Variants in TNPO1 observed in about 807,000 individuals in gnomAD.
The protein encoded by TNPO1 is transportin 1.
Under a neutral mutation model 119.5 loss-of-function variants are expected in TNPO1, and 8 were observed. The ratio of observed to expected loss-of-function variants is 0.07; its 90% confidence interval spans 0.04 to 0.12. The LOEUF (loss-of-function observed/expected upper bound fraction) is 0.12, where lower values mean the gene tolerates loss of function less well. Among genes scored for constraint, TNPO1 ranks in the 10% least tolerant of loss-of-function variants. TNPO1 has a pLI of 1.00. For synonymous variants in TNPO1, 362 were observed against 363.0 expected (o/e 1.00, Z 0.03); for missense variants, 576 against 1,089.8 (o/e 0.53, Z 6.64).
Position 72,884,305 on chromosome 5 carries a change from T to C in TNPO1, c.1150+1073T>C, listed in dbSNP as rs1748463512. Among the ~76,000 whole-genome samples the C allele has an allele frequency of 2.0e-5, 3 of 152,194 alleles. 1 individual carries two copies. Among genetic ancestry groups the C allele is most frequent in the African/African-American group, 4.8e-5 (2 of 41,452 alleles). ...GTGGTTTTGGTTTGCATTTTCCTGG[T>C]GGACCTGCTCTTATTTTATCATTAT... On this transcript the variant is annotated intron_variant, in intron 11 of 24. Transcript: ENST00000337273.
intron 5 of TNPO1, 24 bp from the exon 6 acceptor site, chr5:72,865,572 A>AG (rs1450874593): frequency 1.9e-6 from 3 of 1,603,680 alleles, no homozygotes; most frequent in Non-Finnish European, 2.5e-6. Flanking sequence ...ACAAATTCTG[A>AG]TAATTTAAAT....
intron 9 of TNPO1, among the ~76,000 whole-genome samples, chr5:72,881,684 T>G (rs1457488021): frequency 6.6e-6 from 1 of 152,238 alleles, no homozygotes; most frequent in African/African-American, 2.4e-5. Flanking sequence ...TAATTCACTT[T>G]GAGCACTTAG....
chr5:72,862,997 T>TGTGTGTGG (rs1212618482), intron 5 of TNPO1, among the ~76,000 whole-genome samples: 2 of 88,420 alleles, frequency 2.3e-5, no homozygotes, highest in African/African-American at 4.7e-5. Context: ...GGTTTTTGTG[T>TGTGTGTGG]GTGTGTGTGT....
chr5:72,824,312 A>G (rs1744110653), intron 1 of TNPO1, among the ~76,000 whole-genome samples: 1 of 152,060 alleles, frequency 6.6e-6, no homozygotes. Flanking sequence ...ACATTACCCC[A>G]ATTTTTTGTT....
rs756371547 is a variant in TNPO1, at chr5:72,855,800, C to T, written c.232C>T (p.Leu78Phe). The change falls in exon 4 of 25, where the codon CTT becomes TTT. Residue 78 changes from leucine (L) to phenylalanine (F), a missense_variant. Transcript: ENST00000337273. ...TGAACCCACAAGATCATTGAGTGGT[C>T]TTATCTTGAAGAATAATGTGAAAGC... is the stretch of plus-strand genomic sequence containing the variant. ...EDEPTRSLSGLILKNNVKAHF... is the reference protein window; with the variant it reads ...EDEPTRSLSGFILKNNVKAHF... The T allele has an allele frequency of 1.2e-6, 2 of 1,611,160 alleles. No individual in the cohort carries two copies. The highest frequency in any genetic ancestry group is 1.7e-6 in the Non-Finnish European group (2 of 1,179,192).
intron 1 of TNPO1, 151 bp downstream of exon 1, chr5:72,816,903 G>A: frequency 9.9e-7 from 1 of 1,007,812 alleles, no homozygotes; most frequent in African/African-American, 1.7e-5. Context: ...AGGCAGCGGC[G>A]GCGCGGTTCT....
At chr5:72,870,790 A>G (rs993839165) in intron 6 of TNPO1, among the ~76,000 whole-genome samples, 56 of 152,292 alleles carry the variant, frequency 3.7e-4, no homozygotes, top group African/African-American at 1.3e-3. Flanking sequence ...TTTGCCTTAC[A>G]TGCACACAAA....
chr5:72,855,187 G>C (rs1224438445), intron 3 of TNPO1, among the ~76,000 whole-genome samples: 1 of 151,760 alleles, frequency 6.6e-6, no homozygotes, highest in Non-Finnish European at 1.5e-5. Flanking sequence ...GTAGATACGG[G>C]GTTTCACCAT....
intron 1 of TNPO1, among the ~76,000 whole-genome samples, chr5:72,836,514 A>G (rs1744700188): frequency 6.6e-6 from 1 of 152,164 alleles, no homozygotes; most frequent in East Asian, 1.9e-4. Flanking sequence ...TTCTGTTCCC[A>G]AGGCACTGAC....
At chr5:72,869,305 G>A (rs771296822) in intron 6 of TNPO1, among the ~76,000 whole-genome samples, 34 of 152,138 alleles carry the variant, frequency 2.2e-4, no homozygotes, top group Non-Finnish European at 8.8e-5. Context: ...CCAGCACTTT[G>A]GGAGGCTGAG....
intron 1 of TNPO1, among the ~76,000 whole-genome samples, chr5:72,840,991 A>T (rs1299819852): frequency 6.6e-6 from 1 of 152,182 alleles, no homozygotes; most frequent in Non-Finnish European, 1.5e-5. Context: ...ACTGTGTAAC[A>T]TGAGTTATGG....
At chr5:72,901,122 T>C in intron 22 of TNPO1, 49 bp downstream of exon 22, 7 of 1,267,658 alleles carry the variant, frequency 5.5e-6, no homozygotes, top group Non-Finnish European at 7.7e-6. Context: ...AATAAAATTT[T>C]AAAGGAAGAA....
chr5:72,841,196 C>T (rs62363373), intron 1 of TNPO1, among the ~76,000 whole-genome samples: 27,754 of 150,948 alleles, frequency 0.18, 2,903 homozygotes, highest in African/African-American at 0.27. Flanking sequence ...TCTTGGCTCA[C>T]TGCAAGCTCC....
At chr5:72,823,913 C>G (rs1054468755) in intron 1 of TNPO1, among the ~76,000 whole-genome samples, 24 of 152,162 alleles carry the variant, frequency 1.6e-4, no homozygotes, top group African/African-American at 5.8e-4. Context: ...TATTTCATAT[C>G]TTATTTTCCC....
rs368079403 is a variant in TNPO1, at chr5:72,897,082, A to G, written c.2269A>G (p.Met757Val). 1.6e-5 allele frequency: 25 copies of G among 1,610,092 alleles called. No individual in the cohort carries two copies. Among genetic ancestry groups the G allele is most frequent in the South Asian group, 4.4e-5 (4 of 90,272 alleles). Residue 757 changes from methionine to valine, a missense_variant, in exon 20 of 25, where the codon ATG becomes GTG. Transcript: ENST00000337273. ...MGIEMQPYIP[M>V]VLHQLVEIIN... ...TATAGAGATGCAGCCTTATATTCCT[A>G]TGGTGTTGCACCAGCTTGTAGAAAT...
At chr5:72,853,395 C>G (rs941551017) in intron 3 of TNPO1, among the ~76,000 whole-genome samples, 4 of 152,104 alleles carry the variant, frequency 2.6e-5, no homozygotes, top group African/African-American at 9.7e-5. Flanking sequence ...GAGCTGTGAT[C>G]GTGCCACTGC....
chr5:72,883,011 T>TA (rs1748360777), intron 10 of TNPO1, 53 bp from the exon 11 acceptor site: 2 of 1,253,844 alleles, frequency 1.6e-6, no homozygotes, highest in African/African-American at 3.0e-5. Flanking sequence ...CTCATGTACA[T>TA]ACTATTAGCC....
rs751833963 is a variant in TNPO1, at chr5:72,883,235, AAGTC to A, written c.1150+6_1150+9del. ...TACAATTTCTGACTGGAATCTAAGTAAGTCAGAAAGGGAAAAGCACAGTTGCCTA... is the reference window on the plus strand; with the variant it reads ...TACAATTTCTGACTGGAATCTAAGTAAGAAAGGGAAAAGCACAGTTGCCTA... On this transcript the variant is annotated splice_donor_5th_base_variant and intron_variant, in intron 11 of 24. Coordinates refer to ENST00000337273, the MANE Select transcript of TNPO1 (RefSeq NM_002270.4). 4 of 1,395,000 alleles carry A rather than the reference AAGTC, an allele frequency of 2.9e-6. No individual in the cohort carries two copies. The highest frequency in any genetic ancestry group is 1.4e-5 in the African/African-American group (1 of 70,746). The allele number at this position is 1,395,000 out of a possible 1,614,324, so 86.4% of individuals were successfully genotyped here.
chr5:72,851,039 A>G (rs370827029), intron 2 of TNPO1, among the ~76,000 whole-genome samples: 16 of 152,196 alleles, frequency 1.1e-4, no homozygotes, highest in East Asian at 7.7e-4. Flanking sequence ...CATTTCAGCC[A>G]TAAAGCACCT....
Sources: gnomAD v4.1 joint callset for allele counts (sites outside exome capture counted in the v4.1 genomes callset) on GRCh38, gnomAD v4.1.1 for gene constraint, MANE v1.5 for transcripts, NCBI Gene and HGNC (gene_info 2026-07-23, HGNC 2026-07-21) for gene names.